Variants in CHCHD6 observed in about 807,000 individuals in gnomAD.
CHCHD6 encodes coiled-coil-helix-coiled-coil-helix domain containing 6, also known as MICOS complex subunit MIC25.
CHCHD6 carries 28 observed loss-of-function variants against 32.3 expected under a neutral mutation model. That is an observed-to-expected ratio of 0.87 (90% CI 0.64 to 1.19). CHCHD6 has a LOEUF of 1.19. Among genes scored for constraint, CHCHD6 ranks in the 50% most tolerant of loss-of-function variants. The pLI is 0.00. For missense variants in CHCHD6, 333 were observed against 307.0 expected, an observed-to-expected ratio of 1.08 and a Z score of -0.63; for synonymous variants, 122 against 117.5, an observed-to-expected ratio of 1.04 and a Z score of -0.25.
At chr3:126,848,003 A>G (rs1336089419) in intron 4 of CHCHD6, among the ~76,000 whole-genome samples, 1 of 152,186 alleles carries the variant, frequency 6.6e-6, no homozygotes, top group Admixed American at 6.5e-5. Context: ...TTTTTGAGAC[A>G]GAGTCTTACT....
At chr3:126,845,194 CT>C (rs1188179593) in intron 4 of CHCHD6, among the ~76,000 whole-genome samples, 2 of 152,116 alleles carry the variant, frequency 1.3e-5, no homozygotes, top group Non-Finnish European at 2.9e-5. Flanking sequence ...AGTCAGCCAT[CT>C]TGATGTTTGA....
At position 126,852,079 on chromosome 3, in the gene CHCHD6, G is replaced by A. The variant is rs377694039; in HGVS notation, c.412-568G>A. On this transcript the variant is annotated intron_variant, in intron 4 of 7. Coordinates refer to ENST00000290913, the MANE Select transcript of CHCHD6 (RefSeq NM_032343.3). ...AGCGCCTCTCCAGCTGACTCTGTGC[G>A]TGTCTTCCTGCAGGCATGGATCCCT... Among the ~76,000 whole-genome samples, 66 of 152,304 alleles carry A rather than the reference G, an allele frequency of 4.3e-4. No homozygotes were observed. In the East Asian group the frequency reaches 8.7e-3, roughly 20 times the overall value.
intron 5 of CHCHD6, among the ~76,000 whole-genome samples, chr3:126,881,480 G>T (rs901014531): frequency 1.3e-5 from 2 of 152,218 alleles, no homozygotes; most frequent in Admixed American, 6.5e-5. Flanking sequence ...TGACAGACTT[G>T]AATGAATATT....
At chr3:126,750,329 G>A (rs1270462755) in intron 4 of CHCHD6, among the ~76,000 whole-genome samples, 2 of 152,206 alleles carry the variant, frequency 1.3e-5, no homozygotes, top group Non-Finnish European at 2.9e-5. Flanking sequence ...CTTCCACTGA[G>A]ACCCCAGATG....
At chr3:126,804,827 C>A (rs565452190) in intron 4 of CHCHD6, among the ~76,000 whole-genome samples, 24 of 152,230 alleles carry the variant, frequency 1.6e-4, no homozygotes, top group Admixed American at 2.0e-4. Flanking sequence ...CCAAATCCAG[C>A]AGCACATCAA....
intron 6 of CHCHD6, among the ~76,000 whole-genome samples, chr3:126,933,916 T>C (rs948319297): frequency 5.3e-5 from 8 of 152,220 alleles, no homozygotes; most frequent in Admixed American, 2.0e-4. Context: ...TCTCCACACA[T>C]ACTGTCTCTC....
intron 5 of CHCHD6, among the ~76,000 whole-genome samples, chr3:126,879,995 C>T (rs867733699): frequency 2.8e-4 from 43 of 152,148 alleles, no homozygotes; most frequent in African/African-American, 8.9e-4. Flanking sequence ...AACCTACACC[C>T]AGACTCTCCT....
At chr3:126,901,395 A>G (rs1224832790) in intron 5 of CHCHD6, among the ~76,000 whole-genome samples, 1 of 152,230 alleles carries the variant, frequency 6.6e-6, no homozygotes, top group Non-Finnish European at 1.5e-5. Context: ...TCCTGTGGCC[A>G]GGGCACGGGA....
intron 1 of CHCHD6, among the ~76,000 whole-genome samples, chr3:126,721,711 C>A: frequency 8.7e-6 from 1 of 114,904 alleles, no homozygotes; most frequent in Admixed American, 1.0e-4. Flanking sequence ...ACCCCCACCC[C>A]CCACCCTCCC....
Position 126,704,305 on chromosome 3 carries a change from A to C in CHCHD6, c.-8A>C, listed in dbSNP as rs768753428. On this transcript the variant is annotated 5_prime_UTR_variant, in exon 1 of 8. Coordinates refer to ENST00000290913, the MANE Select transcript of CHCHD6 (RefSeq NM_032343.3). ...GTCTGGTGGCTGCCGGCCCTGCGGC[A>C]TCTCGCCATGGGGAGCACGGAGAGC... The C allele has an allele frequency of 4.4e-6, 7 of 1,602,670 alleles. No homozygotes were observed. Among genetic ancestry groups the C allele is most frequent in the Non-Finnish European group, 5.9e-6 (7 of 1,176,730 alleles).
intron 4 of CHCHD6, among the ~76,000 whole-genome samples, chr3:126,780,617 T>C (rs1937889504): frequency 6.6e-6 from 1 of 152,248 alleles, no homozygotes; most frequent in Non-Finnish European, 1.5e-5. Context: ...CTTGCCTGTC[T>C]AGACTTGCAG....
intron 2 of CHCHD6, among the ~76,000 whole-genome samples, chr3:126,728,747 TAAG>T (rs1440024759): frequency 6.6e-5 from 10 of 152,218 alleles, no homozygotes; most frequent in Non-Finnish European, 1.5e-4. Flanking sequence ...TTAGAAGAAA[TAAG>T]AAGCATTTGC....
At chr3:126,949,855 T>G (rs1041858995) in intron 6 of CHCHD6, 9 of 155,706 alleles carry the variant, frequency 5.8e-5, no homozygotes, top group African/African-American at 2.2e-4. Flanking sequence ...AAGGGAAGAA[T>G]GCAGAGCCTT....
intron 1 of CHCHD6, among the ~76,000 whole-genome samples, chr3:126,704,946 C>G (rs529184011): frequency 1.3e-5 from 2 of 152,266 alleles, no homozygotes; most frequent in African/African-American, 4.8e-5. Flanking sequence ...CAAAGCTGGC[C>G]GCTGCCCGTC....
chr3:126,871,281 C>A (rs989335126), intron 5 of CHCHD6, among the ~76,000 whole-genome samples: 5 of 152,290 alleles, frequency 3.3e-5, no homozygotes, highest in Middle Eastern at 3.4e-3. Flanking sequence ...CTTTCTTGGT[C>A]CTTAACATTT....
chr3:126,754,936 C>A (rs1936892881), intron 4 of CHCHD6, among the ~76,000 whole-genome samples: 1 of 152,166 alleles, frequency 6.6e-6, no homozygotes, highest in Non-Finnish European at 1.5e-5. Context: ...TGGCTGCTGC[C>A]AGTCTCCTGG....
chr3:126,720,672 C>T (rs1458063312), intron 1 of CHCHD6, among the ~76,000 whole-genome samples: 1 of 152,206 alleles, frequency 6.6e-6, no homozygotes, highest in Non-Finnish European at 1.5e-5. Flanking sequence ...CCTGTGTTCC[C>T]TGAAGTGCTG....
intron 1 of CHCHD6, among the ~76,000 whole-genome samples, chr3:126,712,172 A>C (rs1195223053): frequency 1.3e-5 from 2 of 152,144 alleles, no homozygotes; most frequent in Non-Finnish European, 2.9e-5. Context: ...TGGTTCTGAA[A>C]CTCACTGTGT....
intron 5 of CHCHD6, among the ~76,000 whole-genome samples, chr3:126,910,103 C>G (rs1261173758): frequency 6.6e-6 from 1 of 152,046 alleles, no homozygotes; most frequent in African/African-American, 2.4e-5. Context: ...ATGGCGAAAC[C>G]CCCTCTCTGT....
Sources: gnomAD v4.1 joint callset for allele counts (sites outside exome capture counted in the v4.1 genomes callset) on GRCh38, gnomAD v4.1.1 for gene constraint, MANE v1.5 for transcripts, NCBI Gene and HGNC (gene_info 2026-07-23, HGNC 2026-07-21) for gene names.